ZFYVE26: variants seen among roughly 807,000 people sequenced by gnomAD.
The protein encoded by ZFYVE26 is zinc finger FYVE-type containing 26, also known as zinc finger FYVE domain-containing protein 26.
Under a neutral mutation model 276.5 loss-of-function variants are expected in ZFYVE26, and 181 were observed. That is an observed-to-expected ratio of 0.65 (90% CI 0.58 to 0.74). The LOEUF (loss-of-function observed/expected upper bound fraction) is 0.74, where lower values mean the gene tolerates loss of function less well. Among genes scored for constraint, ZFYVE26 ranks in the 30% least tolerant of loss-of-function variants. The pLI, the probability that ZFYVE26 is intolerant of heterozygous loss-of-function variation, is 0.00. For synonymous variants in ZFYVE26, 1,129 were observed against 1,203.1 expected, an observed-to-expected ratio of 0.94 and a Z score of 1.27; for missense variants, 2,821 against 3,097.9, an observed-to-expected ratio of 0.91 and a Z score of 2.12.
At chr14:67,735,132 T>C (rs2038336737) in intron 13 of ZFYVE26, 1 of 808,626 alleles carries the variant, frequency 1.2e-6, no homozygotes, top group African/African-American at 1.7e-5. Context: ...TAGGCATGGG[T>C]GTTGATTCGA....
At chr14:67,755,327 T>C in intron 36 of ZFYVE26, 77 bp from the exon 37 acceptor site, 1 of 1,520,838 alleles carries the variant, frequency 6.6e-7, no homozygotes. Flanking sequence ...AATTCTCATC[T>C]GATTTCTGCC....
At chr14:67,751,296 T>G in intron 40 of ZFYVE26, 200 bp from the exon 41 acceptor site, 1 of 643,190 alleles carries the variant, frequency 1.6e-6, no homozygotes, top group Non-Finnish European at 2.8e-6. Flanking sequence ...ATCCCACTAT[T>G]GATAGCAAAG....
At chr14:67,760,937 C>G in intron 35 of ZFYVE26, 2 of 417,050 alleles carry the variant, frequency 4.8e-6, no homozygotes. Context: ...ACTTCCTGGC[C>G]CTTGTAGTAA....
At chr14:67,802,305 C>T in intron 9 of ZFYVE26, 23 bp from the exon 10 acceptor site, 1 of 1,612,848 alleles carries the variant, frequency 6.2e-7, no homozygotes, top group East Asian at 2.2e-5. Context: ...GAGAAACAGG[C>T]TGAACTTGAG....
intron 3 of ZFYVE26, among the ~76,000 whole-genome samples, chr14:67,810,982 G>T (rs912316092): frequency 6.6e-6 from 1 of 152,136 alleles, no homozygotes; most frequent in East Asian, 1.9e-4. Flanking sequence ...CACATCAGAG[G>T]CTAACATGAT....
intron 41 of ZFYVE26, among the ~76,000 whole-genome samples, chr14:67,749,892 A>G (rs1021479303): frequency 6.6e-6 from 1 of 152,220 alleles, no homozygotes; most frequent in African/African-American, 2.4e-5. Flanking sequence ...TTTGCCAGAG[A>G]GTCTGGAATG....
chr14:67,806,411 G>T, intron 6 of ZFYVE26, 134 bp downstream of exon 6: 2 of 1,101,376 alleles, frequency 1.8e-6, no homozygotes, highest in East Asian at 2.5e-5. Flanking sequence ...GACTGTGGGA[G>T]GGACAAAACC....
chr14:67,775,827 T>G, intron 26 of ZFYVE26, 33 bp downstream of exon 26: 2 of 1,613,922 alleles, frequency 1.2e-6, no homozygotes, highest in Non-Finnish European at 1.7e-6. Context: ...TCTTCCTCCA[T>G]GTAGAATCCC....
intron 35 of ZFYVE26, chr14:67,761,077 C>G (rs1407250179): frequency 1.6e-6 from 1 of 615,224 alleles, no homozygotes. Flanking sequence ...CATCTCATTC[C>G]AGAGACATGC....
chr14:67,815,254 T>C (rs2040377410), intron 2 of ZFYVE26, among the ~76,000 whole-genome samples: 2 of 152,222 alleles, frequency 1.3e-5, no homozygotes, highest in Admixed American at 6.5e-5. Flanking sequence ...TTTAAAGTAA[T>C]GTGCCAATGT....
chr14:67,773,551 G>GCCCACACACA (rs200418943), intron 27 of ZFYVE26, among the ~76,000 whole-genome samples: 2 of 125,884 alleles, frequency 1.6e-5, no homozygotes, highest in South Asian at 2.4e-4. Flanking sequence ...AAAAAAAAAG[G>GCCCACACACA]CGCACACACA....
intron 13 of ZFYVE26, among the ~76,000 whole-genome samples, chr14:67,736,936 C>T (rs552974011): frequency 3.4e-4 from 52 of 152,158 alleles, no homozygotes; most frequent in African/African-American, 1.2e-3. Context: ...TCTTTAAACA[C>T]CCGCAGTGAC....
chr14:67,774,863 A>G (rs976217716), intron 27 of ZFYVE26, among the ~76,000 whole-genome samples, 153 bp downstream of exon 27: 1 of 152,074 alleles, frequency 6.6e-6, no homozygotes. Context: ...CTTTTGAGAT[A>G]TATATAAATC....
At position 67,761,445 on chromosome 14, in the gene ZFYVE26, T is replaced by G. The variant is rs763583609; in HGVS notation, c.6509A>C (p.Tyr2170Ser). The G allele has an allele frequency of 6.2e-7, 1 of 1,614,160 alleles. No homozygotes were observed. The highest frequency in any genetic ancestry group is 8.5e-7 in the Non-Finnish European group (1 of 1,180,030). The change falls in exon 35 of 42, where the codon TAT (tyrosine) becomes TCT (serine). Residue 2170 changes from tyrosine (Y) to serine (S), a missense_variant. Coordinates refer to ENST00000347230, the MANE Select transcript of ZFYVE26 (RefSeq NM_015346.4). ...YQECLFYLHN[Y>S]STNLAIISFY... ...GCTGATGATGGCCAGGTTGGTGCTA[T>G]AGTTGTGCAGGTAGAAGAGGCATTC...
chr14:67,814,259 C>T (rs1003042136), intron 2 of ZFYVE26, among the ~76,000 whole-genome samples, 195 bp from the exon 3 acceptor site: 3 of 152,130 alleles, frequency 2.0e-5, no homozygotes, highest in Admixed American at 6.6e-5. Context: ...TGGCTCACAC[C>T]GGTAATCTCA....
chr14:67,792,014 C>T (rs1158524425), intron 14 of ZFYVE26, among the ~76,000 whole-genome samples: 10 of 143,032 alleles, frequency 7.0e-5, no homozygotes, highest in African/African-American at 2.4e-4. Context: ...GAGCCGAGAT[C>T]GAGCCACTGC....
At position 67,761,359 on chromosome 14, in the gene ZFYVE26, G is replaced by A. The variant is rs186040735; in HGVS notation, c.6588+7C>T. 1,297 of 1,610,298 alleles carry A rather than the reference G, an allele frequency of 8.1e-4. 8 individuals are homozygous for A. In the African/African-American group the frequency reaches 0.015, roughly 19 times the overall value. ...CACTGCCTTTTTGAGCTGTGTCCAT[G>A]TCCCACCTTGTTGAGAAGGTGCAGA... On this transcript the variant is annotated splice_region_variant and intron_variant, in intron 35 of 41. Coordinates refer to ENST00000347230, the MANE Select transcript of ZFYVE26 (RefSeq NM_015346.4).
rs2039383084 is a variant in ZFYVE26 at position 67,777,701 on chromosome 14, AG to A, written c.4831del (p.Glu1612LysfsTer2). The A allele has an allele frequency of 6.2e-7, 1 of 1,614,074 alleles. No individual in the cohort carries two copies. Among genetic ancestry groups the A allele is most frequent in the Non-Finnish European group, 8.5e-7 (1 of 1,180,056 alleles). On this transcript the variant is annotated frameshift_variant, in exon 25 of 42. Coordinates refer to ENST00000347230, the MANE Select transcript of ZFYVE26 (RefSeq NM_015346.4). LOFTEE classifies it high-confidence loss of function. The stretch of plus-strand genomic sequence containing the variant: ...GTCGAGGGATTGCTCTGTCACTTCA[AG>A]GCACATGGTGGGGTCAGGGATTCTT... ...LRRIPDPTMC[L>X]EVTEQSLDQH...
chr14:67,789,308 G>A, intron 16 of ZFYVE26, 27 bp downstream of exon 16: 1 of 1,613,486 alleles, frequency 6.2e-7, no homozygotes, highest in Non-Finnish European at 8.5e-7. Flanking sequence ...TGAGAATGAA[G>A]GGATACAGCT....
Sources: gnomAD v4.1 joint callset for allele counts (sites outside exome capture counted in the v4.1 genomes callset) on GRCh38, gnomAD v4.1.1 for gene constraint, MANE v1.5 for transcripts, NCBI Gene and HGNC (gene_info 2026-07-23, HGNC 2026-07-21) for gene names.